ASIC2: variants seen among roughly 807,000 people sequenced by gnomAD.
ASIC2 encodes acid sensing ion channel subunit 2.
Under a neutral mutation model 57.3 loss-of-function variants are expected in ASIC2, and 25 were observed. The ratio of observed to expected loss-of-function variants is 0.44; its 90% CI spans 0.32 to 0.61. ASIC2 has a LOEUF of 0.61. ASIC2 is among the 20% of genes least tolerant of loss of function. The pLI is 0.06. For synonymous variants in ASIC2, 319 were observed against 307.5 expected, an observed-to-expected ratio of 1.04 and a Z score of -0.39; for missense variants, 641 against 738.1, an observed-to-expected ratio of 0.87 and a Z score of 1.52.
chr17:33,838,958 A>G (rs1334858352), intron 1 of ASIC2, among the ~76,000 whole-genome samples: 3 of 152,188 alleles, frequency 2.0e-5, no homozygotes, highest in Admixed American at 6.5e-5. Flanking sequence ...TTTCCAGTCT[A>G]ATTTTGTAGG....
In ASIC2 at chr17:33,292,986, G is replaced by C; in HGVS notation, c.-871C>G. On this transcript the variant is annotated 5_prime_UTR_variant, in exon 1 of 10. Transcript: ENST00000225823. ...TCGCTTCTCGCCTCGGCTCTCCCAG[G>C]TGCCTCGCGTCTCCAGAAAAGCCCA... The C allele has an allele frequency of 1.0e-6, 1 of 985,520 alleles. No homozygotes were observed. The highest frequency in any genetic ancestry group is 1.2e-6 in the Non-Finnish European group (1 of 829,994). The allele number at this position is 985,520 out of a possible 1,614,324, so 61.0% of individuals were successfully genotyped here. A position where few individuals can be genotyped will look rare whatever the true frequency, so the allele number is the denominator to read the frequency against.
At chr17:33,796,801 A>T (rs554511385) in intron 1 of ASIC2, among the ~76,000 whole-genome samples, 20 of 152,280 alleles carry the variant, frequency 1.3e-4, no homozygotes, top group African/African-American at 4.8e-4. Context: ...CTGGTAGGAG[A>T]TTAAGGGATG....
intron 1 of ASIC2, among the ~76,000 whole-genome samples, chr17:33,274,554 C>CT (rs111683338): frequency 3.1e-4 from 47 of 152,300 alleles, no homozygotes; most frequent in African/African-American, 1.0e-3. Context: ...TGACTTGTTA[C>CT]TTTTTTTGAC....
chr17:33,096,276 A>G (rs1228862489), intron 2 of ASIC2, among the ~76,000 whole-genome samples: 3 of 152,244 alleles, frequency 2.0e-5, no homozygotes, highest in African/African-American at 7.2e-5. Context: ...GGAGCCTCAC[A>G]GCAGTCCACA....
intron 1 of ASIC2, among the ~76,000 whole-genome samples, chr17:33,116,235 A>G (rs1180702872): frequency 6.6e-6 from 1 of 152,106 alleles, no homozygotes; most frequent in African/African-American, 2.4e-5. Context: ...GGCTTTTTTC[A>G]GAGGATTATT....
chr17:33,632,410 A>ATTCC (rs1246835033), intron 1 of ASIC2, among the ~76,000 whole-genome samples: 2 of 152,096 alleles, frequency 1.3e-5, no homozygotes, highest in Non-Finnish European at 2.9e-5. Context: ...GGGATATGGA[A>ATTCC]GCCCTGCATG....
intron 1 of ASIC2, among the ~76,000 whole-genome samples, chr17:34,040,410 G>C (rs1347088581): frequency 4.7e-5 from 2 of 42,510 alleles, no homozygotes; most frequent in Non-Finnish European, 7.3e-5. Flanking sequence ...GGGGGGTCCT[G>C]GGGGGTGGGG....
intron 1 of ASIC2, among the ~76,000 whole-genome samples, chr17:33,919,284 T>C (rs1226991826): frequency 2.6e-5 from 4 of 152,178 alleles, no homozygotes; most frequent in Non-Finnish European, 5.9e-5. Context: ...CAGTCGCTGA[T>C]GAGCCCAAAA....
chr17:33,728,049 C>G (rs764943297), intron 1 of ASIC2, among the ~76,000 whole-genome samples: 1 of 152,196 alleles, frequency 6.6e-6, no homozygotes, highest in Non-Finnish European at 1.5e-5. Context: ...GTGGTAGAGG[C>G]AGCACATGCT....
intron 1 of ASIC2, among the ~76,000 whole-genome samples, chr17:33,716,067 C>T (rs997684709): frequency 5.3e-5 from 8 of 152,164 alleles, no homozygotes; most frequent in Admixed American, 2.6e-4. Context: ...CCCTTCTCAA[C>T]ACCTATCAAA....
At chr17:34,097,825 G>A (rs901231589) in intron 1 of ASIC2, among the ~76,000 whole-genome samples, 17 of 152,050 alleles carry the variant, frequency 1.1e-4, no homozygotes, top group African/African-American at 3.4e-4. Context: ...AACTGCATGA[G>A]GTGGGCATTT....
At chr17:33,702,016 G>C (rs1208240402) in intron 1 of ASIC2, among the ~76,000 whole-genome samples, 1 of 152,186 alleles carries the variant, frequency 6.6e-6, no homozygotes, top group Non-Finnish European at 1.5e-5. Context: ...GGGTGGGGAA[G>C]GTCTCACTTT....
At chr17:33,429,831 C>CTT (rs1911346639) in intron 1 of ASIC2, among the ~76,000 whole-genome samples, 1 of 152,152 alleles carries the variant, frequency 6.6e-6, no homozygotes, top group Non-Finnish European at 1.5e-5. Context: ...TAAGCAACCC[C>CTT]TTGTATGTCT....
Position 33,217,419 on chromosome 17 carries a change from T to C in ASIC2, c.708+73989A>G, listed in dbSNP as rs9807038. On this transcript the variant is annotated intron_variant, in intron 1 of 9. Transcript: ENST00000225823. Reference sequence around the variant, plus strand: ...ACACACACACAAACACACACGCACGTACTCATTTTGCAGATGAGGCTCTGC... The same window carrying C: ...ACACACACACAAACACACACGCACGCACTCATTTTGCAGATGAGGCTCTGC... Among the ~76,000 whole-genome samples the C allele has an allele frequency of 8.7e-4, 133 of 152,338 alleles. 1 individual carries two copies. Among genetic ancestry groups the C allele is most frequent in the African/African-American group, 3.1e-3 (130 of 41,584 alleles).
chr17:33,931,921 C>G (rs967628484), intron 1 of ASIC2, among the ~76,000 whole-genome samples: 1 of 152,178 alleles, frequency 6.6e-6, no homozygotes, highest in Non-Finnish European at 1.5e-5. Flanking sequence ...TCCAGTAGAC[C>G]TTTAAAAAGG....
chr17:33,946,759 G>T (rs917077041), intron 1 of ASIC2, among the ~76,000 whole-genome samples: 1 of 152,192 alleles, frequency 6.6e-6, no homozygotes, highest in Non-Finnish European at 1.5e-5. Context: ...CATTGGGAAG[G>T]TGGGGCCAGG....
intron 1 of ASIC2, among the ~76,000 whole-genome samples, chr17:33,346,030 C>A (rs1597692311): frequency 1.3e-5 from 2 of 151,868 alleles, no homozygotes; most frequent in South Asian, 2.1e-4. Context: ...AGCTCAAGAC[C>A]AGCCTGGGCA....
At chr17:33,381,380 C>T (rs548417590) in intron 1 of ASIC2, among the ~76,000 whole-genome samples, 90 of 152,354 alleles carry the variant, frequency 5.9e-4, no homozygotes, top group African/African-American at 2.1e-3. Context: ...GCCGCCTCTG[C>T]CTCTCACAGC....
intron 1 of ASIC2, among the ~76,000 whole-genome samples, chr17:33,602,762 C>T (rs1256242573): frequency 6.6e-6 from 1 of 152,200 alleles, no homozygotes; most frequent in Non-Finnish European, 1.5e-5. Context: ...TGGACTGGTC[C>T]TTATACCTGG....
Sources: allele counts gnomAD v4.1 joint callset (sites outside exome capture counted in the v4.1 genomes callset), GRCh38; gene constraint gnomAD v4.1.1; transcripts MANE v1.5; gene names NCBI Gene and HGNC (gene_info 2026-07-23, HGNC 2026-07-21).